ELP3: variants seen among roughly 807,000 people sequenced by gnomAD.
ELP3 encodes the protein elongator acetyltransferase complex subunit 3.
ELP3 carries 56 observed loss-of-function variants against 74.9 expected under a neutral mutation model. The observed-to-expected ratio is 0.75, with a 90% CI of 0.60 to 0.93. The LOEUF (loss-of-function observed/expected upper bound fraction) is 0.93. Ranked by LOEUF, ELP3 falls within the 40% of genes least tolerant of loss-of-function variation. The probability of loss-of-function intolerance (pLI) is 0.00; values close to 1 mark genes in which losing one functional copy is unlikely to be tolerated. For synonymous variants in ELP3, 222 were observed against 239.8 expected (o/e 0.93, Z 0.68); for missense variants, 573 against 686.5 (o/e 0.83, Z 1.85).
chr8:28,183,107 A>C, intron 14 of ELP3: 1 of 455,986 alleles, frequency 2.2e-6, no homozygotes. Flanking sequence ...AATTGATCTA[A>C]AGTGTGTGCA....
At chr8:28,143,604 G>A (rs1055417374) in intron 10 of ELP3, among the ~76,000 whole-genome samples, 1 of 152,140 alleles carries the variant, frequency 6.6e-6, no homozygotes, top group Non-Finnish European at 1.5e-5. Flanking sequence ...ATAGTACTCT[G>A]CAATTTTAAT....
intron 10 of ELP3, among the ~76,000 whole-genome samples, chr8:28,138,648 C>G (rs1274590453): frequency 6.6e-6 from 1 of 152,158 alleles, no homozygotes; most frequent in Admixed American, 6.5e-5. Context: ...GCTGCTAGAG[C>G]AGGACTCCAC....
intron 14 of ELP3, among the ~76,000 whole-genome samples, chr8:28,168,151 C>T (rs1036288655): frequency 1.3e-5 from 2 of 152,294 alleles, no homozygotes; most frequent in Admixed American, 1.3e-4. Context: ...TGCATTAGAC[C>T]ATCTCTAACT....
chr8:28,187,060 C>T (rs1488636425), intron 14 of ELP3, among the ~76,000 whole-genome samples: 6 of 152,318 alleles, frequency 3.9e-5, no homozygotes, highest in Middle Eastern at 3.4e-3. Context: ...CCCACCATCT[C>T]CTCACTCCCA....
chr8:28,115,653 G>A (rs984726034), intron 7 of ELP3, among the ~76,000 whole-genome samples: 1 of 152,226 alleles, frequency 6.6e-6, no homozygotes, highest in Non-Finnish European at 1.5e-5. Context: ...GAGGCACAGA[G>A]AGATAAGCAA....
intron 14 of ELP3, among the ~76,000 whole-genome samples, chr8:28,168,945 G>A (rs947472726): frequency 1.3e-5 from 2 of 152,200 alleles, no homozygotes; most frequent in Admixed American, 1.3e-4. Flanking sequence ...TACTAGTTTT[G>A]TGGAGCCTTT....
intron 14 of ELP3, among the ~76,000 whole-genome samples, chr8:28,170,000 C>T (rs959493224): frequency 6.6e-6 from 1 of 152,138 alleles, no homozygotes; most frequent in East Asian, 1.9e-4. Context: ...AGATGGCAGC[C>T]ATAGTATTTT....
chr8:28,182,943 C>G (rs1815078262), intron 14 of ELP3, among the ~76,000 whole-genome samples: 2 of 152,174 alleles, frequency 1.3e-5, no homozygotes, highest in South Asian at 4.1e-4. Flanking sequence ...AGGCCAGGGG[C>G]TCTTGGCAGC....
intron 1 of ELP3, 155 bp downstream of exon 1, chr8:28,093,388 C>T (rs1159266171): frequency 5.8e-6 from 6 of 1,040,288 alleles, no homozygotes; most frequent in Non-Finnish European, 6.9e-6. Context: ...GGTCCCCGAG[C>T]CTTCTCGTTT....
At chr8:28,101,870 G>A (rs1340830170) in intron 3 of ELP3, among the ~76,000 whole-genome samples, 5 of 152,292 alleles carry the variant, frequency 3.3e-5, no homozygotes, top group African/African-American at 1.2e-4. Flanking sequence ...GATTACAGAC[G>A]TGAGCCACTG....
chr8:28,129,671 G>A lies in ELP3; in HGVS notation c.779+8G>A. 1 of 1,613,632 alleles carries A rather than the reference G, an allele frequency of 6.2e-7. No individual in the cohort carries two copies. The highest frequency in any genetic ancestry group is 8.5e-7 in the Non-Finnish European group (1 of 1,179,594). On this transcript the variant is annotated splice_region_variant and intron_variant, in intron 8 of 14. Coordinates refer to ENST00000256398, the MANE Select transcript of ELP3 (RefSeq NM_018091.6). ...GGCTAGAGACACCAACAGGTAAGATGGTGGCAGGTGATCTTGCACAAGTCT... is the reference window on the plus strand; with the variant it reads ...GGCTAGAGACACCAACAGGTAAGATAGTGGCAGGTGATCTTGCACAAGTCT...
chr8:28,181,943 G>T (rs951664653), intron 14 of ELP3, among the ~76,000 whole-genome samples: 8 of 144,394 alleles, frequency 5.5e-5, no homozygotes, highest in African/African-American at 1.8e-4. Context: ...TAGTCACTTA[G>T]CTATCAAGTG....
At position 28,148,457 on chromosome 8, in the gene ELP3, T is replaced by C. The variant is rs115365996; in HGVS notation, c.1101-7485T>C. Among the ~76,000 whole-genome samples the C allele has an allele frequency of 8.5e-3, 1,289 of 152,342 alleles. 15 individuals are homozygous for C. Among genetic ancestry groups the C allele is most frequent in the African/African-American group, 0.03 (1,239 of 41,564 alleles). On this transcript the variant is annotated intron_variant, in intron 10 of 14. Coordinates refer to ENST00000256398, the MANE Select transcript of ELP3 (RefSeq NM_018091.6). ...ATTCACTGAGACAGGGCATCATTTC[T>C]GTGGTATTCCTGCCAAGAATTCATG...
intron 7 of ELP3, among the ~76,000 whole-genome samples, chr8:28,114,956 C>T (rs556669561): frequency 8.5e-5 from 13 of 152,218 alleles, no homozygotes; most frequent in Admixed American, 2.0e-4. Flanking sequence ...ACATCCATCC[C>T]TGCTCAGATG....
chr8:28,152,792 C>G (rs755763795), intron 10 of ELP3, among the ~76,000 whole-genome samples: 1 of 152,098 alleles, frequency 6.6e-6, no homozygotes, highest in Admixed American at 6.5e-5. Context: ...GGTGACAGAG[C>G]GAGACTCCAT....
intron 14 of ELP3, among the ~76,000 whole-genome samples, chr8:28,180,376 CT>C (rs2130606630): frequency 6.6e-6 from 1 of 152,326 alleles, no homozygotes; most frequent in South Asian, 2.1e-4. Flanking sequence ...ACTAATTTAG[CT>C]GTGTCTGATC....
In ELP3 at chr8:28,162,042, G is replaced by C; in HGVS notation, c.1531G>C (p.Glu511Gln). The C allele has an allele frequency of 6.2e-7, 1 of 1,614,214 alleles. No individual in the cohort carries two copies. Among genetic ancestry groups the C allele is most frequent in the Non-Finnish European group, 8.5e-7 (1 of 1,180,014 alleles). The change falls in exon 14 of 15, where the codon GAA (glutamate) becomes CAA (glutamine). Residue 511 changes from glutamate to glutamine, a missense_variant. By Grantham distance (29) the Glu-to-Gln change is conservative (BLOSUM62 2). Coordinates refer to ENST00000256398, the MANE Select transcript of ELP3 (RefSeq NM_018091.6). ...GGAGGAAGCAGAAAGAATAGCTAGA[G>C]AAGAACATGGGTCTGGGAAAATCGC... is the stretch of plus-strand genomic sequence containing the variant. ...LMEEAERIAR[E>Q]EHGSGKIAVI...
intron 13 of ELP3, among the ~76,000 whole-genome samples, chr8:28,161,579 C>G (rs1156600811): frequency 1.4e-5 from 2 of 147,488 alleles, no homozygotes; most frequent in East Asian, 4.0e-4. Context: ...TCCATCCAGC[C>G]TGGACAACAG....
intron 3 of ELP3, among the ~76,000 whole-genome samples, 179 bp from the exon 4 acceptor site, chr8:28,106,534 C>T (rs1217516018): frequency 5.9e-5 from 7 of 117,676 alleles, no homozygotes; most frequent in Non-Finnish European, 1.0e-4. Context: ...AGCGAGACTC[C>T]GTCTCAAAAA....
Sources: allele counts gnomAD v4.1 joint callset (sites outside exome capture counted in the v4.1 genomes callset), GRCh38; gene constraint gnomAD v4.1.1; transcripts MANE v1.5; gene names NCBI Gene and HGNC (gene_info 2026-07-23, HGNC 2026-07-21).